SNTG1: variants seen among roughly 807,000 people sequenced by gnomAD.
The protein encoded by SNTG1 is syntrophin gamma 1.
Under a neutral mutation model 74.7 loss-of-function variants are expected in SNTG1, and 39 were observed. That is an observed-to-expected ratio of 0.52 (90% CI 0.40 to 0.68). SNTG1 has a LOEUF of 0.68. Ranked by LOEUF, SNTG1 falls within the 30% of genes least tolerant of loss-of-function variation. The probability of loss-of-function intolerance (pLI) is 0.00; values close to 1 mark genes in which losing one functional copy is unlikely to be tolerated. For missense variants in SNTG1, 685 were observed against 609.5 expected, an observed-to-expected ratio of 1.12 and a Z score of -1.30; for synonymous variants, 254 against 217.1, an observed-to-expected ratio of 1.17 and a Z score of -1.49.
At chr8:50,531,799 C>T (rs1322764244) in intron 10 of SNTG1, among the ~76,000 whole-genome samples, 2 of 152,180 alleles carry the variant, frequency 1.3e-5, no homozygotes. Context: ...GAGCAACTTA[C>T]TTCAGAATGG....
At chr8:49,994,303 T>C (rs1489422345) in intron 1 of SNTG1, among the ~76,000 whole-genome samples, 1 of 148,396 alleles carries the variant, frequency 6.7e-6, no homozygotes, top group Non-Finnish European at 1.5e-5. Flanking sequence ...TCACCCAGGC[T>C]AGAGTGCAAT....
chr8:50,751,381 T>C (rs1279652519), intron 17 of SNTG1, among the ~76,000 whole-genome samples: 1 of 152,080 alleles, frequency 6.6e-6, no homozygotes, highest in Non-Finnish European at 1.5e-5. Context: ...TTCCCACTTA[T>C]TGCCAATTTC....
intron 2 of SNTG1, among the ~76,000 whole-genome samples, chr8:50,303,635 C>T (rs546524728): frequency 1.8e-3 from 271 of 152,004 alleles, no homozygotes; most frequent in African/African-American, 6.3e-3. Flanking sequence ...ATTTACAATG[C>T]ATATGCTTTG....
chr8:50,512,155 T>C lies in SNTG1; in HGVS notation c.466+9275T>C, dbSNP rs531215018. On this transcript the variant is annotated intron_variant, in intron 9 of 18. Transcript: ENST00000642720. ...GCATTTGCTTGTCTGTAAAGTATTT[T>C]ATTTCTCCTTCACTTATGAAGCTTA... Among the ~76,000 whole-genome samples the C allele has an allele frequency of 1.8e-4, 28 of 152,258 alleles. 1 individual carries two copies. In the South Asian group the frequency reaches 5.6e-3, roughly 30 times the overall value.
intron 9 of SNTG1, 109 bp downstream of exon 9, chr8:50,502,989 CTG>C: frequency 1.2e-6 from 1 of 839,072 alleles, no homozygotes; most frequent in Non-Finnish European, 1.8e-6. Flanking sequence ...TTTTGCCTGA[CTG>C]TAAACATTTT....
intron 17 of SNTG1, chr8:50,709,237 C>T (rs1456247060): frequency 2.4e-6 from 1 of 410,470 alleles, no homozygotes; most frequent in African/African-American, 2.0e-5. Flanking sequence ...ATCTATCTAT[C>T]AATCATTTCC....
intron 12 of SNTG1, among the ~76,000 whole-genome samples, chr8:50,573,725 A>G (rs2094561459): frequency 3.3e-5 from 5 of 151,866 alleles, no homozygotes; most frequent in African/African-American, 9.7e-5. Context: ...ATTTGTCCCC[A>G]TGTTTTAGAA....
intron 1 of SNTG1, among the ~76,000 whole-genome samples, chr8:49,949,742 A>G (rs1809533282): frequency 6.6e-6 from 1 of 152,206 alleles, no homozygotes; most frequent in African/African-American, 2.4e-5. Flanking sequence ...ACAAGGGAAT[A>G]CCTGTTAACC....
intron 2 of SNTG1, among the ~76,000 whole-genome samples, chr8:50,183,734 G>A (rs533204901): frequency 1.1e-4 from 16 of 152,134 alleles, no homozygotes; most frequent in East Asian, 1.9e-4. Flanking sequence ...TGATGAGTTC[G>A]CCTTCAACTT....
chr8:50,167,835 G>GA (rs202168386), intron 1 of SNTG1, among the ~76,000 whole-genome samples: 2,855 of 147,818 alleles, frequency 0.019, 70 homozygotes, highest in African/African-American at 0.056. Flanking sequence ...AAAAGGTAAA[G>GA]AAAAAAAGAA....
At chr8:50,294,163 TTAAGA>T in intron 2 of SNTG1, among the ~76,000 whole-genome samples, 1 of 152,142 alleles carries the variant, frequency 6.6e-6, no homozygotes, top group Non-Finnish European at 1.5e-5. Context: ...AATAAAAAAG[TTAAGA>T]TAACCTAATA....
chr8:50,334,119 A>G (rs1355792217), intron 2 of SNTG1, among the ~76,000 whole-genome samples: 3 of 152,026 alleles, frequency 2.0e-5, no homozygotes, highest in East Asian at 3.9e-4. Context: ...CTGGTCTAGA[A>G]CTCCTGACCT....
chr8:50,490,401 G>T (rs185871594), intron 8 of SNTG1, among the ~76,000 whole-genome samples: 85 of 152,272 alleles, frequency 5.6e-4, no homozygotes, highest in Non-Finnish European at 7.9e-4. Flanking sequence ...TCCTATCCAT[G>T]TGCATGGAAT....
intron 2 of SNTG1, among the ~76,000 whole-genome samples, chr8:50,234,764 A>G (rs1023519669): frequency 6.6e-6 from 1 of 152,114 alleles, no homozygotes; most frequent in Admixed American, 6.6e-5. Flanking sequence ...TTATATCACA[A>G]AGTGACTAAA....
At chr8:50,692,882 G>T (rs1444313471) in intron 15 of SNTG1, among the ~76,000 whole-genome samples, 1 of 152,220 alleles carries the variant, frequency 6.6e-6, no homozygotes, top group Non-Finnish European at 1.5e-5. Context: ...GCCTCCTTGA[G>T]CTGTGGTAGG....
chr8:50,010,284 A>T (rs546049807), intron 1 of SNTG1, among the ~76,000 whole-genome samples: 72 of 152,148 alleles, frequency 4.7e-4, no homozygotes, highest in Non-Finnish European at 6.8e-4. Flanking sequence ...ATCCTCACAA[A>T]CTCCAATGAG....
chr8:49,935,324 C>G (rs1807966669), intron 1 of SNTG1, among the ~76,000 whole-genome samples: 1 of 148,724 alleles, frequency 6.7e-6, no homozygotes, highest in African/African-American at 2.5e-5. Flanking sequence ...CCGATGAGGA[C>G]TTTGATGCAT....
intron 1 of SNTG1, among the ~76,000 whole-genome samples, chr8:50,052,366 A>T (rs1010993903): frequency 1.3e-5 from 2 of 152,144 alleles, no homozygotes; most frequent in Non-Finnish European, 2.9e-5. Flanking sequence ...ACTTCTGGAT[A>T]TCCACATGCA....
chr8:50,497,092 T>C (rs2093911290), intron 8 of SNTG1, among the ~76,000 whole-genome samples: 1 of 152,042 alleles, frequency 6.6e-6, no homozygotes, highest in Non-Finnish European at 1.5e-5. Context: ...CAGATACTCA[T>C]AAGTGACCTT....
Sources: allele counts gnomAD v4.1 joint callset (sites outside exome capture counted in the v4.1 genomes callset), GRCh38; gene constraint gnomAD v4.1.1; transcripts MANE v1.5; gene names NCBI Gene and HGNC (gene_info 2026-07-23, HGNC 2026-07-21).